The following TSGA13 variants were observed in gnomAD, a reference collection of about 807,000 sequenced individuals.
The protein encoded by TSGA13 is testis specific 13.
In TSGA13, 37 loss-of-function variants were observed where a neutral mutation model predicts 35.1. That is an observed-to-expected ratio of 1.05 (90% CI 0.81 to 1.39). The LOEUF (loss-of-function observed/expected upper bound fraction) is 1.39, where lower values mean the gene tolerates loss of function less well. Among genes scored for constraint, TSGA13 ranks in the 40% most tolerant of loss-of-function variants. The pLI is 0.00. For synonymous variants in TSGA13, 124 were observed against 121.2 expected, an observed-to-expected ratio of 1.02 and a Z score of -0.15; for missense variants, 338 against 328.5, an observed-to-expected ratio of 1.03 and a Z score of -0.22.
Position 130,685,221 on chromosome 7 carries a change from T to G in TSGA13, c.-11A>C, listed in dbSNP as rs546627961. The G allele has an allele frequency of 2.5e-6, 4 of 1,613,104 alleles. No homozygotes were observed. Among genetic ancestry groups the G allele is most frequent in the Admixed American group, 3.3e-5 (2 of 60,004 alleles). On this transcript the variant is annotated 5_prime_UTR_variant, in exon 2 of 8. Transcript: ENST00000356588. ...TCTCTTTTGGCTCATTGCTGTTGAC[T>G]GCTAGTTGGCCAACCCAAGGCAGGT... is the stretch of plus-strand genomic sequence containing the variant.
intron 7 of TSGA13, among the ~76,000 whole-genome samples, chr7:130,671,224 CATAG>C (rs1313269873): frequency 1.3e-5 from 2 of 151,846 alleles, no homozygotes; most frequent in African/African-American, 2.4e-5. Context: ...CTAGGTGGTA[CATAG>C]ATAAACATTT....
rs1796656613 is a variant in TSGA13 at position 130,686,273 on chromosome 7, C to G, written c.-162G>C. On this transcript the variant is annotated 5_prime_UTR_variant, in exon 1 of 8. Transcript: ENST00000356588. ...CACCCTTTTCTCACCTTTAATTTTT[C>G]TGGAATTGTAAGTCCAATTCATGTA... The G allele has an allele frequency of 2.0e-5, 3 of 152,116 alleles. No individual in the cohort carries two copies. Among genetic ancestry groups the G allele is most frequent in the Admixed American group, 6.5e-5 (1 of 15,272 alleles). The allele number at this position is 152,116 out of a possible 1,614,324, so 9.4% of individuals were successfully genotyped here. A position where few individuals can be genotyped will look rare whatever the true frequency, so the allele number is the denominator to read the frequency against.
upstream of TSGA13, chr7:130,687,256 C>G (rs1428506670): frequency 2.0e-5 from 3 of 152,202 alleles, no homozygotes; most frequent in Non-Finnish European, 2.9e-5. Flanking sequence ...ATCCCAAACT[C>G]TAGACTATAG....
At chr7:130,685,809 T>G (rs997139190) in intron 1 of TSGA13, among the ~76,000 whole-genome samples, 1 of 152,158 alleles carries the variant, frequency 6.6e-6, no homozygotes, top group African/African-American at 2.4e-5. Context: ...ATGGGAGGAT[T>G]GCTATACTTT....
rs1216967807 is a variant in TSGA13, at chr7:130,668,947, TG to T, written c.*66del. ...GCAGCAGCAGGAATGTGGTTTTATT[TG>T]GGTGGCGACTTCTGCGGACCCCTCA... On this transcript the variant is annotated 3_prime_UTR_variant, in exon 8 of 8. Coordinates refer to ENST00000356588, the MANE Select transcript of TSGA13 (RefSeq NM_052933.4). 4 of 1,562,114 alleles carry T rather than the reference TG, an allele frequency of 2.6e-6. No homozygotes were observed. Among genetic ancestry groups the T allele is most frequent in the Non-Finnish European group, 3.5e-6 (4 of 1,154,650 alleles).
In TSGA13 at chr7:130,668,778, C is replaced by A; in HGVS notation, c.*236G>T. ...GCCCCGCGCTCTCACGCCGGTTGGG[C>A]CGCCGCGCCTTCACTCGGGGCCAAG... On this transcript the variant is annotated 3_prime_UTR_variant, in exon 8 of 8. Coordinates refer to ENST00000356588, the MANE Select transcript of TSGA13 (RefSeq NM_052933.4). 1 of 1,367,434 alleles carries A rather than the reference C, an allele frequency of 7.3e-7. No individual in the cohort carries two copies. Among genetic ancestry groups the A allele is most frequent in the Non-Finnish European group, 9.8e-7 (1 of 1,023,686 alleles). 84.7% of individuals were successfully genotyped at this position (1,367,434 alleles called of 1,614,324 possible). A position where few individuals can be genotyped will look rare whatever the true frequency, so the allele number is the denominator to read the frequency against.
intron 3 of TSGA13, among the ~76,000 whole-genome samples, chr7:130,681,660 TA>T: frequency 6.6e-6 from 1 of 152,210 alleles, no homozygotes. Flanking sequence ...TTTTTATTTT[TA>T]TTTTTTTTGC....
At chr7:130,680,515 A>C (rs1426268044) in intron 4 of TSGA13, among the ~76,000 whole-genome samples, 4 of 151,952 alleles carry the variant, frequency 2.6e-5, no homozygotes, top group African/African-American at 9.6e-5. Flanking sequence ...CAGAAAAAAA[A>C]AAAAAAAAGT....
chr7:130,672,409 T>G (rs1412093649), intron 6 of TSGA13, among the ~76,000 whole-genome samples: 1 of 152,176 alleles, frequency 6.6e-6, no homozygotes. Context: ...TTTTGTCTAA[T>G]GTGTTCTCAT....
At position 130,669,112 on chromosome 7, in the gene TSGA13, A is replaced by G. The variant is rs782116802; in HGVS notation, c.730T>C (p.Leu244=). 6.2e-7 allele frequency: 1 copy of G among 1,614,210 alleles called. No homozygotes were observed. Among genetic ancestry groups the G allele is most frequent in the Admixed American group, 1.7e-5 (1 of 60,034 alleles). ...GCGGTTCTGGTGGGCATGTCTTCCA[A>G]GAGCGATGCGAGTGTCAGTGGTTCC... is the stretch of plus-strand genomic sequence containing the variant. ...IREPLTLASL[L]EDMPTRTAPG... The change falls in exon 8 of 8, where the codon TTG becomes CTG. Residue 244 remains leucine (L), a synonymous_variant. Coordinates refer to ENST00000356588, the MANE Select transcript of TSGA13 (RefSeq NM_052933.4).
Position 130,680,932 on chromosome 7 carries a change from C to G in TSGA13, c.174+14G>C. 1 of 1,613,544 alleles carries G rather than the reference C, an allele frequency of 6.2e-7. No individual in the cohort carries two copies. The highest frequency in any genetic ancestry group is 8.5e-7 in the Non-Finnish European group (1 of 1,179,564). On this transcript the variant is annotated intron_variant, in intron 4 of 7. Transcript: ENST00000356588. ...TCCCCTTAGAGATCTTGGGGGAATGCTTTCTCTACCTACCAAATTTGGATG... is the reference window on the plus strand; with the variant it reads ...TCCCCTTAGAGATCTTGGGGGAATGGTTTCTCTACCTACCAAATTTGGATG...
At chr7:130,678,419 C>G (rs1373834514) in intron 5 of TSGA13, among the ~76,000 whole-genome samples, 1 of 152,082 alleles carries the variant, frequency 6.6e-6, no homozygotes, top group Non-Finnish European at 1.5e-5. Context: ...ATGGCAAATT[C>G]CGTCTTCTGA....
At chr7:130,678,455 C>T (rs1796463297) in intron 5 of TSGA13, among the ~76,000 whole-genome samples, 3 of 152,118 alleles carry the variant, frequency 2.0e-5, no homozygotes, top group African/African-American at 4.8e-5. Flanking sequence ...TGTACTAAAG[C>T]ATCATTCTTT....
At chr7:130,679,694 G>C (rs1796499393) in intron 4 of TSGA13, among the ~76,000 whole-genome samples, 1 of 151,960 alleles carries the variant, frequency 6.6e-6, no homozygotes, top group Non-Finnish European at 1.5e-5. Context: ...GGGTTTTTCT[G>C]TTTTTGTTTT....
At position 130,668,948 on chromosome 7, in the gene TSGA13, G is replaced by A; in HGVS notation, c.*66C>T. 6.4e-7 allele frequency: 1 copy of A among 1,562,136 alleles called. No individual in the cohort carries two copies. The highest frequency in any genetic ancestry group is 1.2e-5 in the South Asian group (1 of 85,236). On this transcript the variant is annotated 3_prime_UTR_variant, in exon 8 of 8. Transcript: ENST00000356588. ...CAGCAGCAGGAATGTGGTTTTATTT[G>A]GGTGGCGACTTCTGCGGACCCCTCA... is the stretch of plus-strand genomic sequence containing the variant.
chr7:130,668,985 G>T lies in TSGA13; in HGVS notation c.*29C>A. The T allele has an allele frequency of 1.2e-6, 2 of 1,610,282 alleles. No individual in the cohort carries two copies. Among genetic ancestry groups the T allele is most frequent in the Non-Finnish European group, 1.7e-6 (2 of 1,177,938 alleles). On this transcript the variant is annotated 3_prime_UTR_variant, in exon 8 of 8. Coordinates refer to ENST00000356588, the MANE Select transcript of TSGA13 (RefSeq NM_052933.4). The stretch of plus-strand genomic sequence containing the variant: ...CTGCGGACCCCTCAGTCTCAAGAGA[G>T]CGAGGCGGGAGGACTGAGGGGTCTG...
chr7:130,677,956 A>G (rs1171312792), intron 5 of TSGA13, among the ~76,000 whole-genome samples: 4 of 152,188 alleles, frequency 2.6e-5, no homozygotes, highest in Admixed American at 6.5e-5. Flanking sequence ...TTAGATTCCA[A>G]GTTCCTTTAA....
upstream of TSGA13, chr7:130,686,726 ACACAC>A (rs1796666972): frequency 6.6e-6 from 1 of 152,120 alleles, no homozygotes; most frequent in Non-Finnish European, 1.5e-5. Context: ...ACACACACAC[ACACAC>A]ACACACACAT....
chr7:130,671,453 C>T (rs557938400), intron 7 of TSGA13, among the ~76,000 whole-genome samples: 6 of 152,218 alleles, frequency 3.9e-5, no homozygotes, highest in African/African-American at 7.2e-5. Context: ...ACTGCTAGAG[C>T]TTTCTTGAAA....
Sources: allele counts gnomAD v4.1 joint callset (sites outside exome capture counted in the v4.1 genomes callset), GRCh38; gene constraint gnomAD v4.1.1; transcripts MANE v1.5; gene names NCBI Gene and HGNC (gene_info 2026-07-23, HGNC 2026-07-21).